Variants in RBFOX3 observed in about 807,000 individuals in gnomAD.
The protein encoded by RBFOX3 is RNA binding protein fox-1 homolog 3.
Under a neutral mutation model 48.7 loss-of-function variants are expected in RBFOX3, and 17 were observed. That is an observed-to-expected ratio of 0.35 (90% CI 0.24 to 0.52). The LOEUF is 0.52. Among genes scored for constraint, RBFOX3 ranks in the 20% least tolerant of loss-of-function variants. RBFOX3 has a pLI of 0.94. For synonymous variants in RBFOX3, 212 were observed against 209.5 expected, an observed-to-expected ratio of 1.01 and a Z score of -0.10; for missense variants, 382 against 497.5, an observed-to-expected ratio of 0.77 and a Z score of 2.21.
At chr17:79,265,439 A>G (rs76541296) in intron 3 of RBFOX3, among the ~76,000 whole-genome samples, 2,676 of 152,276 alleles carry the variant, frequency 0.018, 92 homozygotes, top group African/African-American at 0.061. Flanking sequence ...GTCTCTCATG[A>G]AGGACCTCAT....
chr17:79,540,173 T>A (rs2089467754), intron 1 of RBFOX3, among the ~76,000 whole-genome samples: 1 of 152,190 alleles, frequency 6.6e-6, no homozygotes, highest in African/African-American at 2.4e-5. Flanking sequence ...TGACCATTCG[T>A]CACCCTCCAA....
intron 1 of RBFOX3, among the ~76,000 whole-genome samples, chr17:79,524,612 T>C (rs928152605): frequency 1.3e-5 from 2 of 152,142 alleles, no homozygotes; most frequent in Non-Finnish European, 2.9e-5. Flanking sequence ...GGGGCTGGAT[T>C]CTGCTGCCCC....
At chr17:79,547,350 G>A (rs1432108686) in intron 1 of RBFOX3, among the ~76,000 whole-genome samples, 1 of 152,222 alleles carries the variant, frequency 6.6e-6, no homozygotes, top group African/African-American at 2.4e-5. Context: ...AGCTACTCGG[G>A]AGGCCGAGGC....
At chr17:79,268,274 C>T (rs2067069416) in intron 3 of RBFOX3, among the ~76,000 whole-genome samples, 1 of 152,172 alleles carries the variant, frequency 6.6e-6, no homozygotes, top group Admixed American at 6.5e-5. Flanking sequence ...GTAACCGTCC[C>T]AGTGTTTCCC....
chr17:79,092,694 G>A (rs774884961), intron 14 of RBFOX3: 103 of 903,262 alleles, frequency 1.1e-4, no homozygotes, highest in Non-Finnish European at 1.3e-4. Flanking sequence ...TTGGAAGAGG[G>A]GAAAAAGCAA....
chr17:79,286,438 C>G (rs1239236918), intron 3 of RBFOX3, among the ~76,000 whole-genome samples: 1 of 152,198 alleles, frequency 6.6e-6, no homozygotes, highest in Non-Finnish European at 1.5e-5. Flanking sequence ...GCACTTCTCT[C>G]CCCCTGCAGC....
At chr17:79,314,472 C>T (rs1353270784) in intron 2 of RBFOX3, among the ~76,000 whole-genome samples, 2 of 152,146 alleles carry the variant, frequency 1.3e-5, no homozygotes, top group Non-Finnish European at 2.9e-5. Context: ...TGGACAAGAT[C>T]GGCCACTCAC....
At chr17:79,381,415 A>T (rs2059904910) in intron 2 of RBFOX3, among the ~76,000 whole-genome samples, 1 of 152,206 alleles carries the variant, frequency 6.6e-6, no homozygotes, top group Non-Finnish European at 1.5e-5. Flanking sequence ...GAGTCTTTGA[A>T]GCCCAGCGCG....
chr17:79,634,096 T>C, the RBFOX3 span, among the ~76,000 whole-genome samples: 1 of 152,164 alleles, frequency 6.6e-6, no homozygotes, highest in Non-Finnish European at 1.5e-5. Flanking sequence ...GGGCATCCCA[T>C]CCAGAGGTGG....
chr17:79,360,691 T>C (rs1568109548), intron 2 of RBFOX3, among the ~76,000 whole-genome samples: 1 of 152,250 alleles, frequency 6.6e-6, no homozygotes, highest in East Asian at 1.9e-4. Flanking sequence ...CGCCATCTGT[T>C]AATTTATAGG....
At chr17:79,192,334 T>C (rs1439765944) in intron 4 of RBFOX3, among the ~76,000 whole-genome samples, 1 of 152,188 alleles carries the variant, frequency 6.6e-6, no homozygotes, top group Admixed American at 6.5e-5. Flanking sequence ...CGTCTGTTCC[T>C]GCTCTTACTT....
In RBFOX3 at chr17:79,433,010, T is replaced by TCTCTCC. The variant is rs1301415433; in HGVS notation, c.-175+49438_-175+49443dup. On this transcript the variant is annotated intron_variant, in intron 2 of 14. Coordinates refer to ENST00000693108, the MANE Select transcript of RBFOX3 (RefSeq NM_001350451.2). Reference sequence around the variant, plus strand: ...CAGCATTAATTAACTAGTCTCATTTTCTCTCCCTCTCCCAGCACAGACTCC... The same window carrying TCTCTCC: ...CAGCATTAATTAACTAGTCTCATTTTCTCTCCCTCTCCCTCTCCCAGCACAGACTCC... Among the ~76,000 whole-genome samples the TCTCTCC allele has an allele frequency of 2.0e-5, 3 of 152,180 alleles. No individual in the cohort carries two copies. In the East Asian group the frequency reaches 5.8e-4, roughly 29 times the overall value.
intron 1 of RBFOX3, among the ~76,000 whole-genome samples, chr17:79,509,279 G>A (rs1427378467): frequency 6.6e-6 from 1 of 152,114 alleles, no homozygotes; most frequent in Non-Finnish European, 1.5e-5. Flanking sequence ...AGCGTGGGTG[G>A]CTGTCTCTCT....
At chr17:79,447,239 G>T (rs1555738867) in intron 2 of RBFOX3, among the ~76,000 whole-genome samples, 1 of 152,218 alleles carries the variant, frequency 6.6e-6, no homozygotes, top group East Asian at 1.9e-4. Flanking sequence ...TTCTGCCAGT[G>T]GATGCAGCCC....
chr17:79,369,453 T>G (rs2058231597), intron 2 of RBFOX3, among the ~76,000 whole-genome samples: 1 of 151,878 alleles, frequency 6.6e-6, no homozygotes, highest in African/African-American at 2.4e-5. Context: ...CCCCCAGAAC[T>G]CAAATGGCCT....
intron 4 of RBFOX3, among the ~76,000 whole-genome samples, chr17:79,150,434 T>C (rs916970489): frequency 6.6e-6 from 1 of 152,090 alleles, no homozygotes; most frequent in Non-Finnish European, 1.5e-5. Flanking sequence ...CCCCATACCC[T>C]GTTCCCCAGC....
the RBFOX3 span, among the ~76,000 whole-genome samples, chr17:79,618,580 A>G: frequency 6.6e-6 from 1 of 152,170 alleles, no homozygotes; most frequent in Non-Finnish European, 1.5e-5. Context: ...AATCTCAGCA[A>G]AAGTCATGAA....
At chr17:79,650,977 C>T in the RBFOX3 span, among the ~76,000 whole-genome samples, 3 of 152,210 alleles carry the variant, frequency 2.0e-5, no homozygotes, top group East Asian at 3.9e-4. Context: ...ACCCGGGACT[C>T]GCCTGAGGTG....
At chr17:79,603,844 C>T (rs1161760130) in intron 1 of RBFOX3, 2 of 152,260 alleles carry the variant, frequency 1.3e-5, no homozygotes, top group African/African-American at 4.8e-5. Context: ...CCAGAGCCTG[C>T]CCTGGGTGGC....
Sources: gnomAD v4.1 joint callset for allele counts (sites outside exome capture counted in the v4.1 genomes callset) on GRCh38, gnomAD v4.1.1 for gene constraint, MANE v1.5 for transcripts, NCBI Gene and HGNC (gene_info 2026-07-23, HGNC 2026-07-21) for gene names.